The following DTNA variants were observed in gnomAD, a reference collection of about 807,000 sequenced individuals.
DTNA encodes dystrophin-related protein 3.
A neutral mutation model predicts 100.7 loss-of-function variants in DTNA; 43 were observed. That is an observed-to-expected ratio of 0.43 (90% CI 0.33 to 0.55). The LOEUF (loss-of-function observed/expected upper bound fraction) is 0.55. Ranked by LOEUF, DTNA falls within the 20% of genes least tolerant of loss-of-function variation. The pLI is 0.04. For missense variants in DTNA, 798 were observed against 953.9 expected (o/e 0.84, Z 2.15); for synonymous variants, 349 against 347.9 (o/e 1.00, Z -0.04).
chr18:34,664,837 A>G (rs910294927), intron 1 of DTNA, among the ~76,000 whole-genome samples: 5 of 152,152 alleles, frequency 3.3e-5, no homozygotes, highest in Non-Finnish European at 5.9e-5. Flanking sequence ...ATAAACATAA[A>G]CAAAAGCTCT....
rs375762589 is a variant in DTNA, at chr18:34,713,674, G to A, written c.-2+3229G>A. ...GTTTTTTCCAATTCTGTGAAGAAAG[G>A]CATTGGTAGCTTGATGGGGATGGCA... On this transcript the variant is annotated intron_variant, in intron 1 of 22. Transcript: ENST00000444659. 7.3e-3 allele frequency among the ~76,000 whole-genome samples: 1,113 copies of A among 151,798 alleles called. 14 individuals carry two copies. Among genetic ancestry groups the A allele is most frequent in the African/African-American group, 0.025 (1,037 of 41,330 alleles).
At chr18:34,528,574 T>G (rs1408121125) in intron 1 of DTNA, among the ~76,000 whole-genome samples, 1 of 152,046 alleles carries the variant, frequency 6.6e-6, no homozygotes, top group Non-Finnish European at 1.5e-5. Context: ...TAGGTTGAAA[T>G]GCTTTCTAAA....
intron 1 of DTNA, among the ~76,000 whole-genome samples, chr18:34,571,883 AAC>A (rs1310485738): frequency 6.6e-6 from 1 of 152,188 alleles, no homozygotes; most frequent in Non-Finnish European, 1.5e-5. Flanking sequence ...GGTATCAAGA[AAC>A]AATTAAGTTT....
At chr18:34,821,957 G>A (rs2095734968) in intron 9 of DTNA, among the ~76,000 whole-genome samples, 2 of 152,148 alleles carry the variant, frequency 1.3e-5, no homozygotes, top group Admixed American at 1.3e-4. Context: ...CAAACGATTT[G>A]TGTTGGGTCA....
chr18:34,500,449 G>GTA (rs2039774561), intron 1 of DTNA, among the ~76,000 whole-genome samples: 1 of 150,116 alleles, frequency 6.7e-6, no homozygotes, highest in Admixed American at 6.7e-5. Context: ...ATGTGTGTGT[G>GTA]TATATAGTTG....
intron 1 of DTNA, among the ~76,000 whole-genome samples, chr18:34,746,163 T>C (rs1258612779): frequency 3.3e-5 from 5 of 150,164 alleles, no homozygotes; most frequent in Non-Finnish European, 5.9e-5. Flanking sequence ...CAAGGTTAAT[T>C]AAAAAAACAG....
At chr18:34,627,098 C>T (rs2057420674) in intron 1 of DTNA, among the ~76,000 whole-genome samples, 1 of 151,872 alleles carries the variant, frequency 6.6e-6, no homozygotes, top group Non-Finnish European at 1.5e-5. Context: ...AAAAGAAAAT[C>T]CATAAATTCT....
At chr18:34,612,292 C>G (rs2054373665) in intron 1 of DTNA, among the ~76,000 whole-genome samples, 1 of 152,176 alleles carries the variant, frequency 6.6e-6, no homozygotes, top group Non-Finnish European at 1.5e-5. Flanking sequence ...AGGCCCAGAC[C>G]TGCCATGCCA....
At chr18:34,657,523 A>G (rs2074562870) in intron 1 of DTNA, among the ~76,000 whole-genome samples, 1 of 152,212 alleles carries the variant, frequency 6.6e-6, no homozygotes, top group Non-Finnish European at 1.5e-5. Context: ...TTGTAACACA[A>G]TGTCTTTTTT....
At chr18:34,745,371 C>A (rs752664312) in intron 1 of DTNA, among the ~76,000 whole-genome samples, 9 of 152,270 alleles carry the variant, frequency 5.9e-5, no homozygotes, top group Non-Finnish European at 1.0e-4. Context: ...AGCCCATGGC[C>A]ATTAGCAGCC....
At chr18:34,876,488 G>A (rs189965559) in intron 18 of DTNA, among the ~76,000 whole-genome samples, 8 of 152,202 alleles carry the variant, frequency 5.3e-5, no homozygotes, top group South Asian at 4.1e-4. Context: ...TGAAATATAC[G>A]AATAGACAGA....
At chr18:34,815,193 A>C (rs562464652) in intron 6 of DTNA, among the ~76,000 whole-genome samples, 4 of 152,152 alleles carry the variant, frequency 2.6e-5, no homozygotes. Flanking sequence ...TTTTGCATAT[A>C]AATATGTATT....
At position 34,869,524 on chromosome 18, in the gene DTNA, T is replaced by C. The variant is rs549020936; in HGVS notation, c.1743+5462T>C. The stretch of plus-strand genomic sequence containing the variant: ...CTATTTCTGGTAACATTAGATATGA[T>C]CCTAGATATACTAATATCTACAGAG... On this transcript the variant is annotated intron_variant, in intron 17 of 22. Transcript: ENST00000444659. Among the ~76,000 whole-genome samples, 6 of 152,352 alleles carry C rather than the reference T, an allele frequency of 3.9e-5. No homozygotes were observed. In the East Asian group the frequency reaches 1.2e-3, roughly 29 times the overall value.
At chr18:34,546,123 G>A (rs2044749795) in intron 1 of DTNA, among the ~76,000 whole-genome samples, 1 of 152,160 alleles carries the variant, frequency 6.6e-6, no homozygotes, top group East Asian at 1.9e-4. Context: ...TGAACTAATT[G>A]GTACAAGAGC....
At chr18:34,619,724 A>G (rs1375504207) in intron 1 of DTNA, among the ~76,000 whole-genome samples, 1 of 152,194 alleles carries the variant, frequency 6.6e-6, no homozygotes, top group East Asian at 1.9e-4. Flanking sequence ...TGGAGGTTTT[A>G]GTGGGATATC....
chr18:34,495,619 G>T (rs1289285613), intron 1 of DTNA, among the ~76,000 whole-genome samples: 3 of 152,166 alleles, frequency 2.0e-5, no homozygotes, highest in African/African-American at 7.2e-5. Flanking sequence ...GAAGAATTGT[G>T]CAATTCTCTT....
chr18:34,841,492 G>GTTTTGTC (rs2096267906), intron 13 of DTNA, among the ~76,000 whole-genome samples: 1 of 152,148 alleles, frequency 6.6e-6, no homozygotes, highest in Admixed American at 6.6e-5. Flanking sequence ...AAGGGCAAGA[G>GTTTTGTC]TTTTGTCTTC....
intron 5 of DTNA, among the ~76,000 whole-genome samples, chr18:34,810,486 A>G (rs1222896388): frequency 2.6e-5 from 4 of 151,942 alleles, no homozygotes; most frequent in Non-Finnish European, 5.9e-5. Flanking sequence ...AAAAAAAAAA[A>G]ACTGAACTCA....
chr18:34,753,434 G>A (rs2092538873), intron 1 of DTNA, among the ~76,000 whole-genome samples: 1 of 135,486 alleles, frequency 7.4e-6, no homozygotes, highest in African/African-American at 3.3e-5. Flanking sequence ...CCAGGCTGGA[G>A]TGCAGTGGCG....
Sources: allele counts gnomAD v4.1 joint callset (sites outside exome capture counted in the v4.1 genomes callset), GRCh38; gene constraint gnomAD v4.1.1; transcripts MANE v1.5; gene names NCBI Gene and HGNC (gene_info 2026-07-23, HGNC 2026-07-21).